The following LPIN1 variants were observed in gnomAD, a reference collection of about 807,000 sequenced individuals.
LPIN1 encodes the protein phosphatidate phosphatase LPIN1.
A neutral mutation model predicts 107.5 loss-of-function variants in LPIN1; 71 were observed. That is an observed-to-expected ratio of 0.66 (90% CI 0.55 to 0.80). The LOEUF is 0.80. Ranked by LOEUF, LPIN1 falls within the 30% of genes least tolerant of loss-of-function variation. LPIN1 has a pLI of 0.00. For synonymous variants in LPIN1, 445 were observed against 452.6 expected, an observed-to-expected ratio of 0.98 and a Z score of 0.21; for missense variants, 1,043 against 1,160.6, an observed-to-expected ratio of 0.90 and a Z score of 1.47.
At chr2:11,770,335 ATGC>A (rs1015227114) in intron 3 of LPIN1, among the ~76,000 whole-genome samples, 1 of 152,080 alleles carries the variant, frequency 6.6e-6, no homozygotes, top group Non-Finnish European at 1.5e-5. Flanking sequence ...GACCCCTGGG[ATGC>A]TGCTGGAAGC....
At chr2:11,730,191 G>A (rs550769687) in intron 1 of LPIN1, among the ~76,000 whole-genome samples, 11 of 151,940 alleles carry the variant, frequency 7.2e-5, no homozygotes, top group Middle Eastern at 3.4e-3. Context: ...GTTTTCCTCT[G>A]TGTTTCAGTT....
intron 6 of LPIN1, chr2:11,777,364 C>G (rs994280259): frequency 6.6e-6 from 1 of 152,210 alleles, no homozygotes; most frequent in Non-Finnish European, 1.5e-5. Flanking sequence ...CAGACTTTCT[C>G]GTAGGGCTGG....
chr2:11,742,670 C>G (rs1197385804), upstream of LPIN1, among the ~76,000 whole-genome samples: 3 of 152,362 alleles, frequency 2.0e-5, no homozygotes, highest in East Asian at 5.8e-4. Context: ...TCCCTGTCCG[C>G]TCCTCGCACC....
At chr2:11,794,635 C>T (rs1034673628) in intron 13 of LPIN1, among the ~76,000 whole-genome samples, 14 of 135,308 alleles carry the variant, frequency 1.0e-4, no homozygotes, top group Non-Finnish European at 2.1e-4. Flanking sequence ...CCTGACGAAA[C>T]GAGCACAGAG....
intron 1 of LPIN1, among the ~76,000 whole-genome samples, chr2:11,700,367 T>C (rs1195223967): frequency 6.6e-6 from 1 of 152,222 alleles, no homozygotes; most frequent in Admixed American, 6.5e-5. Context: ...GTGAGCTGTG[T>C]ATTAAGGCTG....
intron 12 of LPIN1, among the ~76,000 whole-genome samples, chr2:11,789,501 C>T (rs981641789): frequency 2.3e-4 from 34 of 146,152 alleles, no homozygotes; most frequent in South Asian, 2.2e-4. Flanking sequence ...CACGTGTGTG[C>T]GCGTGTGCAT....
intron 1 of LPIN1, among the ~76,000 whole-genome samples, chr2:11,759,118 AGCTT>A (rs1316167637): frequency 1.7e-4 from 25 of 148,108 alleles, no homozygotes; most frequent in South Asian, 8.5e-4. Context: ...TGAGCTAGCT[AGCTT>A]GCTTTCTTTC....
chr2:11,744,985 T>C (rs1046444795), upstream of LPIN1, among the ~76,000 whole-genome samples: 4 of 152,240 alleles, frequency 2.6e-5, no homozygotes, highest in Admixed American at 6.5e-5. Context: ...CTTGACCAGA[T>C]GGACGGGAGC....
exon 2 of LPIN1, chr2:11,741,421 T>C (rs956450031): frequency 5.8e-6 from 9 of 1,549,770 alleles, no homozygotes; most frequent in African/African-American, 4.1e-5. Flanking sequence ...ACCTCATCCA[T>C]GAGCAGAGTA....
intron 14 of LPIN1, 136 bp downstream of exon 14, chr2:11,795,623 A>G: frequency 1.2e-6 from 1 of 824,110 alleles, no homozygotes; most frequent in East Asian, 2.6e-5. Flanking sequence ...GACCTGGAGC[A>G]ATTTATTTAA....
chr2:11,746,810 C>T lies in LPIN1; in HGVS notation c.-10+139C>T, dbSNP rs1558788665. ...GGCCCCGGGGCCCGAGGACCGACGG[C>T]CGGGCTACGTCCCCGGGGCCCTCTA... On this transcript the variant is annotated intron_variant, in intron 1 of 20. Coordinates refer to ENST00000674199, the MANE Select transcript of LPIN1 (RefSeq NM_001349206.2). 3 of 225,092 alleles carry T rather than the reference C, an allele frequency of 1.3e-5. No homozygotes were observed. In the South Asian group the frequency reaches 4.7e-4, roughly 35 times the overall value. The allele number at this position is 225,092 out of a possible 1,614,324, so 13.9% of individuals were successfully genotyped here. A position where few individuals can be genotyped will look rare whatever the true frequency, so the allele number is the denominator to read the frequency against.
intron 1 of LPIN1, chr2:11,763,069 A>G (rs1264231490): frequency 6.6e-6 from 1 of 152,256 alleles, no homozygotes; most frequent in Admixed American, 6.5e-5. Context: ...CATCAGGTGA[A>G]TAAACGGGAG....
At chr2:11,733,987 G>A (rs1411238597) in intron 1 of LPIN1, among the ~76,000 whole-genome samples, 1 of 152,232 alleles carries the variant, frequency 6.6e-6, no homozygotes, top group Non-Finnish European at 1.5e-5. Flanking sequence ...TAAGGGGCAG[G>A]GCTGGGACAC....
intron 1 of LPIN1, among the ~76,000 whole-genome samples, chr2:11,757,124 C>T (rs1254047736): frequency 6.6e-6 from 1 of 152,122 alleles, no homozygotes; most frequent in African/African-American, 2.4e-5. Flanking sequence ...CTATTTCTTG[C>T]CAAATTTTGA....
chr2:11,713,892 G>A, intron 2 of LPIN1: 1 of 1,038,014 alleles, frequency 9.6e-7, no homozygotes, highest in Non-Finnish European at 1.4e-6. Context: ...TCCAGCTGTG[G>A]TTTGTCGCCA....
intron 20 of LPIN1, 51 bp from the exon 21 acceptor site, chr2:11,824,581 G>A: frequency 6.2e-7 from 1 of 1,600,536 alleles, no homozygotes; most frequent in South Asian, 1.1e-5. Flanking sequence ...GCAGCCCTGG[G>A]TGCATAGCTG....
At chr2:11,760,659 A>G (rs1449059969) in intron 1 of LPIN1, among the ~76,000 whole-genome samples, 3 of 150,606 alleles carry the variant, frequency 2.0e-5, no homozygotes, top group Admixed American at 2.0e-4. Flanking sequence ...TCGGCATCAG[A>G]GGGAGACCGT....
intron 1 of LPIN1, among the ~76,000 whole-genome samples, chr2:11,696,142 T>A (rs536503188): frequency 6.7e-6 from 1 of 150,030 alleles, no homozygotes; most frequent in South Asian, 2.1e-4. Context: ...GCCATGGGGG[T>A]TTGCTGCACC....
In LPIN1 at chr2:11,771,635, C is replaced by G. The variant is rs11538448; in HGVS notation, c.552C>G (p.Ile184Met). 6 of 1,603,894 alleles carry G rather than the reference C, an allele frequency of 3.7e-6. No homozygotes were observed. The highest frequency in any genetic ancestry group is 4.3e-6 in the Non-Finnish European group (5 of 1,175,126). ...CTGAGGATGAGGACATGTTCCCCAT[C>G]GAGATGAGCTCGGATGAGGCCATGG... Reference protein sequence around the residue: ...NTSEDEDMFPIEMSSDEAMEL... With the variant: ...NTSEDEDMFPMEMSSDEAMEL... Residue 184 changes from isoleucine to methionine, a missense_variant, in exon 4 of 21, where the codon ATC becomes ATG. Transcript: ENST00000674199. The surrounding 1 kb of genome is among the most constrained non-coding windows in gnomAD (Gnocchi z 4.8).
Sources: gnomAD v4.1 joint callset for allele counts (sites outside exome capture counted in the v4.1 genomes callset) on GRCh38, gnomAD v4.1.1 for gene constraint, Gnocchi (gnomAD v3.1) non-coding constraint, MANE v1.5 for transcripts, NCBI Gene and HGNC (gene_info 2026-07-23, HGNC 2026-07-21) for gene names.